Variants in AXDND1 observed in about 807,000 individuals in gnomAD.
The protein encoded by AXDND1 is axonemal dynein light chain domain-containing protein 1.
In AXDND1, 110 loss-of-function variants were observed where a neutral mutation model predicts 137.5. The ratio of observed to expected loss-of-function variants is 0.80; its 90% CI spans 0.69 to 0.94. The LOEUF (loss-of-function observed/expected upper bound fraction) is 0.94. Ranked by LOEUF, AXDND1 falls within the 40% of genes least tolerant of loss-of-function variation. The pLI, the probability that AXDND1 is intolerant of heterozygous loss-of-function variation, is 0.00. For missense variants in AXDND1, 1,191 were observed against 1,169.8 expected, an observed-to-expected ratio of 1.02 and a Z score of -0.26; for synonymous variants, 414 against 399.7, an observed-to-expected ratio of 1.04 and a Z score of -0.43.
chr1:179,539,987 A>G (rs1481804668), intron 25 of AXDND1, among the ~76,000 whole-genome samples: 1 of 151,192 alleles, frequency 6.6e-6, no homozygotes, highest in Non-Finnish European at 1.5e-5. Flanking sequence ...CTAATTGGCT[A>G]TTGAAGATTG....
At chr1:179,456,867 G>T (rs1253518102) in intron 16 of AXDND1, 3 of 841,344 alleles carry the variant, frequency 3.6e-6, no homozygotes, top group Non-Finnish European at 6.1e-6. Context: ...TTTATCCATG[G>T]AGTTATGATT....
chr1:179,478,908 C>G (rs1256434349), intron 17 of AXDND1, among the ~76,000 whole-genome samples: 1 of 150,566 alleles, frequency 6.6e-6, no homozygotes, highest in Non-Finnish European at 1.5e-5. Context: ...GAGACCAGCT[C>G]TGGCCAACAT....
intron 12 of AXDND1, among the ~76,000 whole-genome samples, chr1:179,422,864 A>G (rs1432181082): frequency 6.6e-6 from 1 of 152,098 alleles, no homozygotes; most frequent in Non-Finnish European, 1.5e-5. Context: ...CGTGGGTTCA[A>G]GTAATTCTCC....
At chr1:179,462,493 G>T (rs1484300461) in intron 16 of AXDND1, among the ~76,000 whole-genome samples, 1 of 152,068 alleles carries the variant, frequency 6.6e-6, no homozygotes, top group African/African-American at 2.4e-5. Context: ...CAGGGATATT[G>T]GTCTAAAATT....
At chr1:179,395,625 G>A (rs996937159) in intron 11 of AXDND1, among the ~76,000 whole-genome samples, 1 of 152,088 alleles carries the variant, frequency 6.6e-6, no homozygotes, top group African/African-American at 2.4e-5. Flanking sequence ...GTTATTACGA[G>A]TATTAAAGGA....
At position 179,504,674 on chromosome 1, in the gene AXDND1, C is replaced by A. The variant is rs145051744; in HGVS notation, c.2389-4622C>A. ...GCTATGGCCATTCATTGCCCTGCGC[C>A]ACCCCATCCCCTGACTGGATGCCCA... On this transcript the variant is annotated intron_variant, in intron 20 of 25. Transcript: ENST00000367618. Among the ~76,000 whole-genome samples, 36 of 152,264 alleles carry A rather than the reference C, an allele frequency of 2.4e-4. No individual in the cohort carries two copies. The East Asian group carries it at 3.7e-3, about 16-fold the overall frequency.
intron 11 of AXDND1, among the ~76,000 whole-genome samples, chr1:179,397,261 A>G (rs948278159): frequency 2.6e-5 from 4 of 152,208 alleles, no homozygotes; most frequent in South Asian, 2.1e-4. Context: ...TTGGACATAT[A>G]TAAAATTCTG....
chr1:179,508,335 C>A (rs1288032587), intron 20 of AXDND1, among the ~76,000 whole-genome samples: 3 of 139,872 alleles, frequency 2.1e-5, no homozygotes, highest in African/African-American at 8.0e-5. Context: ...GACCCTGTCT[C>A]AAAAAAAAAA....
chr1:179,502,887 G>A (rs1223083891), intron 20 of AXDND1, among the ~76,000 whole-genome samples: 1 of 151,928 alleles, frequency 6.6e-6, no homozygotes. Context: ...CCTGAGGTTG[G>A]GAGATCAAGA....
intron 9 of AXDND1, among the ~76,000 whole-genome samples, chr1:179,387,998 C>T (rs1649502935): frequency 1.3e-5 from 2 of 152,300 alleles, no homozygotes; most frequent in African/African-American, 2.4e-5. Flanking sequence ...TAGCTGCTTT[C>T]ATCTCTCTAG....
intron 17 of AXDND1, among the ~76,000 whole-genome samples, chr1:179,470,046 G>A (rs1295360121): frequency 6.6e-6 from 1 of 152,124 alleles, no homozygotes; most frequent in African/African-American, 2.4e-5. Flanking sequence ...GCATGTGGAT[G>A]TTTAGTTGTA....
chr1:179,371,027 C>T (rs1667985985), intron 4 of AXDND1, among the ~76,000 whole-genome samples: 2 of 152,024 alleles, frequency 1.3e-5, no homozygotes, highest in Non-Finnish European at 2.9e-5. Context: ...TCTATGCCTC[C>T]GGATCATGGT....
At chr1:179,499,181 G>A (rs1025567582) in intron 20 of AXDND1, among the ~76,000 whole-genome samples, 1 of 151,820 alleles carries the variant, frequency 6.6e-6, no homozygotes, top group African/African-American at 2.4e-5. Flanking sequence ...GACCAAAACT[G>A]GAAACAACCT....
chr1:179,484,011 A>G (rs1289348571), intron 18 of AXDND1, among the ~76,000 whole-genome samples: 1 of 152,314 alleles, frequency 6.6e-6, no homozygotes, highest in African/African-American at 2.4e-5. Context: ...TTGAGGGTGG[A>G]CAGAGGGAAG....
At chr1:179,434,286 G>C (rs1197667913) in intron 15 of AXDND1, among the ~76,000 whole-genome samples, 1 of 152,098 alleles carries the variant, frequency 6.6e-6, no homozygotes, top group African/African-American at 2.4e-5. Context: ...AAGAGGAGCT[G>C]TTACCATTTC....
At chr1:179,507,531 G>A (rs1330450826) in intron 20 of AXDND1, among the ~76,000 whole-genome samples, 3 of 152,202 alleles carry the variant, frequency 2.0e-5, no homozygotes, top group Non-Finnish European at 2.9e-5. Flanking sequence ...CTTAGGGGCA[G>A]TGGTGTGATA....
At chr1:179,549,533 T>C (rs1278329074) in intron 25 of AXDND1, among the ~76,000 whole-genome samples, 1 of 152,116 alleles carries the variant, frequency 6.6e-6, no homozygotes, top group Non-Finnish European at 1.5e-5. Context: ...AAAAAACCAG[T>C]GTTATAAGGA....
chr1:179,481,917 C>T (rs1665442469), intron 17 of AXDND1, among the ~76,000 whole-genome samples: 1 of 152,048 alleles, frequency 6.6e-6, no homozygotes, highest in Admixed American at 6.6e-5. Flanking sequence ...TTCTAGTTGT[C>T]TTAGTGCCTG....
chr1:179,531,857 A>G (rs1671066723), intron 23 of AXDND1, among the ~76,000 whole-genome samples: 1 of 152,208 alleles, frequency 6.6e-6, no homozygotes, highest in South Asian at 2.1e-4. Flanking sequence ...TACAGCACAT[A>G]GGCACAAGCA....
Sources: allele counts gnomAD v4.1 joint callset (sites outside exome capture counted in the v4.1 genomes callset), GRCh38; gene constraint gnomAD v4.1.1; transcripts MANE v1.5; gene names NCBI Gene and HGNC (gene_info 2026-07-23, HGNC 2026-07-21).